NCOA2: variants seen among roughly 807,000 people sequenced by gnomAD.
The protein encoded by NCOA2 is nuclear receptor coactivator 2.
Under a neutral mutation model 145.1 loss-of-function variants are expected in NCOA2, and 21 were observed. The ratio of observed to expected loss-of-function variants is 0.14; its 90% CI spans 0.10 to 0.21. NCOA2 has a LOEUF of 0.21. NCOA2 is among the 10% of genes least tolerant of loss of function. The pLI is 1.00. For missense variants in NCOA2, 1,472 were observed against 1,837.6 expected, an observed-to-expected ratio of 0.80 and a Z score of 3.64; for synonymous variants, 619 against 637.5, an observed-to-expected ratio of 0.97 and a Z score of 0.44.
chr8:70,378,231 G>A (rs1167901291), intron 1 of NCOA2, among the ~76,000 whole-genome samples: 1 of 152,128 alleles, frequency 6.6e-6, no homozygotes, highest in Non-Finnish European at 1.5e-5. Flanking sequence ...ACTGCATGAA[G>A]CCAGGAGTCT....
chr8:70,167,627 T>G (rs1461610854), intron 6 of NCOA2, among the ~76,000 whole-genome samples: 1 of 152,254 alleles, frequency 6.6e-6, no homozygotes, highest in Admixed American at 6.5e-5. Context: ...TTCATGTACA[T>G]TTCTTCAATA....
chr8:70,138,979 ACT>A (rs1810063365), intron 14 of NCOA2, among the ~76,000 whole-genome samples: 1 of 152,142 alleles, frequency 6.6e-6, no homozygotes, highest in African/African-American at 2.4e-5. Flanking sequence ...GGCCTTGCAG[ACT>A]CTCTGACTGG....
At chr8:70,407,466 C>T (rs1350301888), upstream of NCOA2, among the ~76,000 whole-genome samples, 2 of 152,204 alleles carry the variant, frequency 1.3e-5, no homozygotes, top group African/African-American at 4.8e-5. Context: ...TAGGATTCTA[C>T]TCTTCATCAC....
chr8:70,426,779 A>G, the NCOA2 span, among the ~76,000 whole-genome samples: 1 of 152,198 alleles, frequency 6.6e-6, no homozygotes, highest in Non-Finnish European at 1.5e-5. Flanking sequence ...AGGATGAGAC[A>G]CTACAAAACT....
intron 4 of NCOA2, among the ~76,000 whole-genome samples, chr8:70,206,119 G>A (rs1261967099): frequency 2.0e-5 from 3 of 152,236 alleles, no homozygotes; most frequent in Non-Finnish European, 4.4e-5. Context: ...CAGCCCAAGG[G>A]CTCTTATCTA....
chr8:70,289,989 G>A (rs888023136), intron 2 of NCOA2, among the ~76,000 whole-genome samples: 1 of 151,946 alleles, frequency 6.6e-6, no homozygotes, highest in Non-Finnish European at 1.5e-5. Context: ...ACACGCCACT[G>A]TGCTCAGCTA....
chr8:70,442,148 A>AAAGAAAGAAAGG, the NCOA2 span, among the ~76,000 whole-genome samples: 3 of 138,350 alleles, frequency 2.2e-5, no homozygotes, highest in African/African-American at 9.4e-5. Context: ...AGAAAGAAAG[A>AAAGAAAGAAAGG]AAGAAAGAAA....
intron 4 of NCOA2, among the ~76,000 whole-genome samples, chr8:70,211,468 A>T (rs1273228857): frequency 6.6e-6 from 1 of 152,094 alleles, no homozygotes; most frequent in African/African-American, 2.4e-5. Context: ...AAAAAAAGAA[A>T]AAAAAAGAAA....
intron 2 of NCOA2, among the ~76,000 whole-genome samples, chr8:70,256,922 A>G (rs1823685236): frequency 6.6e-6 from 1 of 152,224 alleles, no homozygotes; most frequent in Non-Finnish European, 1.5e-5. Flanking sequence ...AGATGAAAAA[A>G]CAGTGAAGTG....
chr8:70,282,447 AG>A (rs1358371560), intron 2 of NCOA2, among the ~76,000 whole-genome samples: 2 of 152,160 alleles, frequency 1.3e-5, no homozygotes, highest in Non-Finnish European at 2.9e-5. Flanking sequence ...ACACTTTGGG[AG>A]GCCGAGACAG....
At chr8:70,114,322 G>C (rs55832818) in intron 22 of NCOA2, among the ~76,000 whole-genome samples, 3,428 of 152,196 alleles carry the variant, frequency 0.023, 127 homozygotes, top group African/African-American at 0.078. Context: ...CACTGCACCC[G>C]GCCTCTTGGG....
the NCOA2 span, among the ~76,000 whole-genome samples, chr8:70,414,483 G>T: frequency 3.3e-5 from 5 of 152,214 alleles, no homozygotes; most frequent in South Asian, 1.0e-3. Context: ...CCAAGCCCAG[G>T]TGACTTTGAG....
rs529550207 is a variant in NCOA2 at position 70,124,357 on chromosome 8, T to A, written c.4095-275A>T. Among the ~76,000 whole-genome samples the A allele has an allele frequency of 1.2e-4, 18 of 151,438 alleles. No individual in the cohort carries two copies. In the East Asian group the frequency reaches 3.5e-3, roughly 29 times the overall value. Reference sequence around the variant, plus strand: ...AGACTACCTGTCTCCTTTCTTTCTTTCTGTTTTTTTTTTTTTAAAGTCTTT... The same window carrying A: ...AGACTACCTGTCTCCTTTCTTTCTTACTGTTTTTTTTTTTTTAAAGTCTTT... On this transcript the variant is annotated intron_variant, in intron 20 of 22. Transcript: ENST00000452400.
Position 70,113,541 on chromosome 8 carries a change from G to A in NCOA2, c.*91C>T, listed in dbSNP as rs1304550671. On this transcript the variant is annotated 3_prime_UTR_variant, in exon 23 of 23. Transcript: ENST00000452400. Reference sequence around the variant, plus strand: ...AGCAGAACCGGCTGGCAGGTCAGTTGGGTTGAAACAAATAGACACAGCTCT... The same window carrying A: ...AGCAGAACCGGCTGGCAGGTCAGTTAGGTTGAAACAAATAGACACAGCTCT... The A allele has an allele frequency of 2.4e-5, 34 of 1,435,048 alleles. No homozygotes were observed. Among genetic ancestry groups the A allele is most frequent in the South Asian group, 3.7e-5 (3 of 81,632 alleles). The allele number at this position is 1,435,048 out of a possible 1,614,324, so 88.9% of individuals were successfully genotyped here. A position where few individuals can be genotyped will look rare whatever the true frequency, so the allele number is the denominator to read the frequency against.
chr8:70,270,283 T>G (rs1824943248), intron 2 of NCOA2, among the ~76,000 whole-genome samples: 1 of 152,094 alleles, frequency 6.6e-6, no homozygotes, highest in South Asian at 2.1e-4. Flanking sequence ...AGGCAAAAAC[T>G]TGGATTCATG....
At chr8:70,378,586 T>C (rs1811892728) in intron 1 of NCOA2, among the ~76,000 whole-genome samples, 1 of 151,976 alleles carries the variant, frequency 6.6e-6, no homozygotes, top group Admixed American at 6.6e-5. Flanking sequence ...GTTTCATTGA[T>C]TTCTTACCAC....
Position 70,157,207 on chromosome 8 carries a change from C to G in NCOA2, c.1158G>C (p.Leu386=). Residue 386 remains leucine (L), a synonymous_variant, in exon 11 of 23, where the codon CTG becomes CTC. Transcript: ENST00000452400. Reference sequence around the variant, plus strand: ...GTGGCTTCCCCATCGTTTGTCCAGTCAGATCCGGATTCATCACACACACAT... The same window carrying G: ...GTGGCTTCCCCATCGTTTGTCCAGTGAGATCCGGATTCATCACACACACAT... ...EQNVCVMNPD[L]TGQTMGKPLN... 1.3e-6 allele frequency: 2 copies of G among 1,580,400 alleles called. No individual in the cohort carries two copies. The highest frequency in any genetic ancestry group is 1.7e-6 in the Non-Finnish European group (2 of 1,160,660).
chr8:70,414,970 T>C, the NCOA2 span, among the ~76,000 whole-genome samples: 1 of 152,154 alleles, frequency 6.6e-6, no homozygotes, highest in Admixed American at 6.5e-5. Context: ...TCTTTCCATT[T>C]ATTAATTCAG....
intron 11 of NCOA2, among the ~76,000 whole-genome samples, chr8:70,152,259 T>C (rs1046604433): frequency 7.2e-5 from 11 of 152,170 alleles, no homozygotes; most frequent in African/African-American, 2.7e-4. Context: ...ATTTTTCTGG[T>C]TTTAGGATTT....
Sources: allele counts gnomAD v4.1 joint callset (sites outside exome capture counted in the v4.1 genomes callset), GRCh38; gene constraint gnomAD v4.1.1; transcripts MANE v1.5; gene names NCBI Gene and HGNC (gene_info 2026-07-23, HGNC 2026-07-21).